Variants in VIM observed in about 807,000 individuals in gnomAD.
VIM encodes the protein vimentin, also known as epididymis secretory sperm binding protein.
Under a neutral mutation model 50.3 loss-of-function variants are expected in VIM, and 18 were observed. The observed-to-expected ratio is 0.36, with a 90% CI of 0.25 to 0.53. VIM has a LOEUF of 0.53. VIM is among the 20% of genes least tolerant of loss of function. VIM has a pLI of 0.91. For synonymous variants in VIM, 245 were observed against 248.5 expected, an observed-to-expected ratio of 0.99 and a Z score of 0.13; for missense variants, 551 against 614.7, an observed-to-expected ratio of 0.90 and a Z score of 1.10.
In VIM at chr10:17,229,597, G is replaced by T; in HGVS notation, c.175G>T (p.Gly59Cys). ...SRSLYASSPG[G>C]VYATRSSAVR... ...CAGCCTCTACGCCTCGTCCCCGGGC[G>T]GCGTGTATGCCACGCGCTCCTCTGC... is the stretch of plus-strand genomic sequence containing the variant. The change falls in exon 2 of 10, where the codon GGC becomes TGC. Residue 59 changes from glycine to cysteine, a missense_variant. By Grantham distance (159) the Gly-to-Cys change is radical. Around this residue, in one of 3 missense-constraint regions of VIM, gnomAD observed 134 missense variants for 126.4 expected, o/e 1.06. Transcript: ENST00000544301. The T allele has an allele frequency of 6.2e-7, 1 of 1,604,538 alleles. No individual in the cohort carries two copies. Among genetic ancestry groups the T allele is most frequent in the Non-Finnish European group, 8.5e-7 (1 of 1,176,374 alleles).
chr10:17,230,518 C>A (rs1588732552), intron 2 of VIM, 132 bp from the exon 3 acceptor site: 1 of 1,030,950 alleles, frequency 9.7e-7, no homozygotes. Flanking sequence ...GGTCTGAAAG[C>A]TGCAGGCGCT....
chr10:17,235,669 T>C, intron 7 of VIM, 177 bp from the exon 8 acceptor site: 1 of 733,816 alleles, frequency 1.4e-6, no homozygotes, highest in South Asian at 1.7e-5. Flanking sequence ...TGTAGTAACA[T>C]ATTTTAAATG....
intron 3 of VIM, 56 bp downstream of exon 3, chr10:17,230,766 G>C: frequency 1.9e-6 from 3 of 1,605,166 alleles, no homozygotes; most frequent in Non-Finnish European, 1.7e-6. Context: ...CACAACCCAC[G>C]AGCAATTCTA....
At chr10:17,230,808 A>G in intron 3 of VIM, 98 bp downstream of exon 3, 3 of 1,411,846 alleles carry the variant, frequency 2.1e-6, no homozygotes, top group Non-Finnish European at 3.0e-6. Context: ...AAAAAGTGCA[A>G]AACTTCAGGG....
chr10:17,234,979 C>G (rs1177542544), intron 6 of VIM, 161 bp downstream of exon 6: 2 of 1,263,650 alleles, frequency 1.6e-6, no homozygotes, highest in Non-Finnish European at 2.2e-6. Context: ...TCATGGAACT[C>G]TTGAAGGTTT....
At chr10:17,236,410 A>G (rs1846890635) in intron 9 of VIM, 31 bp downstream of exon 9, 2 of 1,500,558 alleles carry the variant, frequency 1.3e-6, no homozygotes, top group African/African-American at 1.4e-5. Context: ...AAATAGGGTA[A>G]TCTCAGACAG....
rs779171364 is a variant in VIM, at chr10:17,235,895, C to T, written c.1273+6C>T. On this transcript the variant is annotated splice_donor_region_variant and intron_variant, in intron 8 of 9. Coordinates refer to ENST00000544301, the MANE Select transcript of VIM (RefSeq NM_003380.5). ...TTCCTCCCTGAACCTGAGGGGTAAG[C>T]ATTTTATTTCCCTTTAGGAAAAACG... The T allele has an allele frequency of 1.9e-6, 3 of 1,612,634 alleles. No homozygotes were observed. The highest frequency in any genetic ancestry group is 2.2e-5 in the South Asian group (2 of 91,064).
intron 3 of VIM, 128 bp from the exon 4 acceptor site, chr10:17,233,459 A>C: frequency 1.1e-6 from 1 of 872,836 alleles, no homozygotes; most frequent in Admixed American, 2.0e-5. Flanking sequence ...TTCCAGGGTC[A>C]TAAAATGTGT....
chr10:17,229,813 C>G lies in VIM; in HGVS notation c.391C>G (p.Leu131Val). 1.9e-6 allele frequency: 3 copies of G among 1,599,582 alleles called. No homozygotes were observed. The highest frequency in any genetic ancestry group is 2.6e-6 in the Non-Finnish European group (3 of 1,173,318). ...CTTCCTGGAGCAGCAGAATAAGATC[C>G]TGCTGGCCGAGCTCGAGCAGCTCAA... The part of the protein sequence containing the change: ...VRFLEQQNKI[L>V]LAELEQLKGQ... Residue 131 changes from leucine to valine, a missense_variant, in exon 2 of 10, where the codon CTG becomes GTG. Leu to Val is a conservative substitution (Grantham distance 32, BLOSUM62 1). Transcript: ENST00000544301.
chr10:17,234,596 A>G (rs376614285), intron 5 of VIM, 97 bp from the exon 6 acceptor site: 7 of 1,568,140 alleles, frequency 4.5e-6, no homozygotes, highest in Admixed American at 1.7e-5. Context: ...TTAAACCTAT[A>G]CTGGAAGACA....
chr10:17,233,003 A>G (rs1846823170), intron 3 of VIM, among the ~76,000 whole-genome samples: 1 of 152,252 alleles, frequency 6.6e-6, no homozygotes, highest in Non-Finnish European at 1.5e-5. Context: ...GCTGGAGTGC[A>G]GTGGCACTAT....
rs139880640 is a variant in VIM, at chr10:17,231,262, G to A, written c.624+552G>A. Among the ~76,000 whole-genome samples the A allele has an allele frequency of 6.0e-4, 91 of 152,304 alleles. 2 individuals carry two copies. The highest frequency in any genetic ancestry group is 4.8e-3 in the East Asian group (25 of 5,182). ...AAACTTAGTTTCCAACTGGAATGGA[G>A]CCAGCAAGTTTCTTTTCTTCTTTGC... On this transcript the variant is annotated intron_variant, in intron 3 of 9. Transcript: ENST00000544301.
At position 17,233,753 on chromosome 10, in the gene VIM, G is replaced by C. The variant is rs781136554; in HGVS notation, c.721-17G>C. Reference sequence around the variant, plus strand: ...CCACGGTTGGCAGAGCTGACCGTCTGTCTGTTCTTTTTGCAGGAAATCCAG... The same window carrying C: ...CCACGGTTGGCAGAGCTGACCGTCTCTCTGTTCTTTTTGCAGGAAATCCAG... On this transcript the variant is annotated splice_polypyrimidine_tract_variant and intron_variant, in intron 4 of 9. Transcript: ENST00000544301. 3.7e-6 allele frequency: 6 copies of C among 1,614,084 alleles called. No individual in the cohort carries two copies. In the African/African-American group the frequency reaches 6.7e-5, roughly 18 times the overall value.
chr10:17,234,224 T>TCCTG, intron 5 of VIM: 1 of 384,622 alleles, frequency 2.6e-6, no homozygotes, highest in Non-Finnish European at 4.8e-6. Context: ...CAAGTGATTC[T>TCCTG]CCTGCCTCAG....
rs749389674 is a variant in VIM at position 17,230,739 on chromosome 10, C to T, written c.624+29C>T. ...TGTAGACTCTCTTCCCACTCGCAGC[C>T]GCCTGACCCCACCCAACACAACCCA... On this transcript the variant is annotated intron_variant, in intron 3 of 9. Coordinates refer to ENST00000544301, the MANE Select transcript of VIM (RefSeq NM_003380.5). 3.4e-5 allele frequency: 55 copies of T among 1,613,534 alleles called. No homozygotes were observed. The Middle Eastern group carries it at 6.6e-4, about 19-fold the overall frequency.
rs766889315 is a variant in VIM at position 17,229,528 on chromosome 10, C to T, written c.106C>T (p.Arg36Cys). Residue 36 changes from arginine to cysteine, a missense_variant, in exon 2 of 10, where the codon CGC becomes TGC. Arg to Cys is a radical substitution (Grantham distance 180, BLOSUM62 -3). Around this residue, in one of 3 missense-constraint regions of VIM, gnomAD observed 134 missense variants for 126.4 expected, o/e 1.06. Transcript: ENST00000544301. ...SSRSYVTTST[R>C]TYSLGSALRP... ...CCGGAGCTACGTGACTACGTCCACC[C>T]GCACCTACAGCCTGGGCAGCGCGCT... 6.2e-6 allele frequency: 10 copies of T among 1,608,252 alleles called. No homozygotes were observed. The highest frequency in any genetic ancestry group is 3.3e-5 in the South Asian group (3 of 90,846).
rs1846866919 is a variant in VIM at position 17,235,260 on chromosome 10, A to G, written c.1100A>G (p.Asp367Gly). The G allele has an allele frequency of 1.2e-6, 2 of 1,614,208 alleles. No individual in the cohort carries two copies. Among genetic ancestry groups the G allele is most frequent in the Non-Finnish European group, 1.7e-6 (2 of 1,180,038 alleles). ...CAAGACACTATTGGCCGCCTGCAGG[A>G]TGAGATTCAGAATATGAAGGAGGAA... is the stretch of plus-strand genomic sequence containing the variant. ...NYQDTIGRLQ[D>G]EIQNMKEEMA... The change falls in exon 7 of 10, where the codon GAT becomes GGT. Residue 367 changes from aspartate (D) to glycine (G), a missense_variant. Around this residue, in one of 3 missense-constraint regions of VIM, gnomAD observed 394 missense variants for 437.5 expected, o/e 0.90. Transcript: ENST00000544301.
At chr10:17,237,064 G>T (rs1169262728) in intron 9 of VIM, among the ~76,000 whole-genome samples, 166 bp from the exon 10 acceptor site, 1 of 152,138 alleles carries the variant, frequency 6.6e-6, no homozygotes, top group Non-Finnish European at 1.5e-5. Flanking sequence ...AGAGGGTCTT[G>T]TGTGTCTGCC....
In VIM at chr10:17,229,809, G is replaced by C; in HGVS notation, c.387G>C (p.Lys129Asn). Reference protein sequence around the residue: ...DKVRFLEQQNKILLAELEQLK... With the variant: ...DKVRFLEQQNNILLAELEQLK... Reference sequence around the variant, plus strand: ...TGCGCTTCCTGGAGCAGCAGAATAAGATCCTGCTGGCCGAGCTCGAGCAGC... The same window carrying C: ...TGCGCTTCCTGGAGCAGCAGAATAACATCCTGCTGGCCGAGCTCGAGCAGC... The change falls in exon 2 of 10, where the codon AAG (lysine) becomes AAC (asparagine). Residue 129 changes from lysine to asparagine, a missense_variant. Physicochemically the swap from Lys to Asn is moderately conservative, Grantham distance 94. This residue lies in a region of VIM where 394 missense variants were observed against 437.5 expected (regional missense o/e 0.90). Transcript: ENST00000544301. The C allele has an allele frequency of 6.3e-7, 1 of 1,598,790 alleles. No homozygotes were observed. Among genetic ancestry groups the C allele is most frequent in the Non-Finnish European group, 8.5e-7 (1 of 1,172,862 alleles).
Sources: gnomAD v4.1 joint callset for allele counts (sites outside exome capture counted in the v4.1 genomes callset) on GRCh38, gnomAD v4.1.1 for gene constraint, gnomAD v4.1.1 regional missense constraint, MANE v1.5 for transcripts, NCBI Gene and HGNC (gene_info 2026-07-23, HGNC 2026-07-21) for gene names.